MBD5: variants seen among roughly 807,000 people sequenced by gnomAD.
The protein encoded by MBD5 is methyl-CpG binding domain protein 5.
A neutral mutation model predicts 117.3 loss-of-function variants in MBD5; 13 were observed. The observed-to-expected ratio is 0.11, with a 90% CI of 0.07 to 0.18. The LOEUF is 0.18. Among genes scored for constraint, MBD5 ranks in the 10% least tolerant of loss-of-function variants. MBD5 has a pLI of 1.00. For synonymous variants in MBD5, 727 were observed against 766.4 expected (o/e 0.95, Z 0.85); for missense variants, 1,879 against 2,093.8 (o/e 0.90, Z 2.00).
intron 3 of MBD5, among the ~76,000 whole-genome samples, chr2:148,260,375 C>A (rs1700703915): frequency 6.6e-6 from 1 of 152,186 alleles, no homozygotes; most frequent in African/African-American, 2.4e-5. Context: ...GACATTGCAG[C>A]AATTCAGTCA....
At chr2:148,192,993 T>G (rs1330404927) in intron 2 of MBD5, among the ~76,000 whole-genome samples, 10 of 93,522 alleles carry the variant, frequency 1.1e-4, no homozygotes, top group South Asian at 4.9e-4. Flanking sequence ...AAATCATGAG[T>G]GAACTCCCAT....
At chr2:148,138,662 G>A (rs1023015450) in intron 1 of MBD5, among the ~76,000 whole-genome samples, 1 of 152,160 alleles carries the variant, frequency 6.6e-6, no homozygotes, top group Admixed American at 6.5e-5. Context: ...ACTAGTCAAG[G>A]CAGTGAGAAT....
intron 4 of MBD5, among the ~76,000 whole-genome samples, chr2:148,432,126 G>C (rs1400342655): frequency 6.6e-6 from 1 of 152,116 alleles, no homozygotes; most frequent in African/African-American, 2.4e-5. Flanking sequence ...GATGATTAGT[G>C]ATGTTAAGCA....
intron 3 of MBD5, among the ~76,000 whole-genome samples, chr2:148,310,773 A>T (rs1180989563): frequency 3.3e-5 from 5 of 151,972 alleles, no homozygotes; most frequent in African/African-American, 1.2e-4. Flanking sequence ...GCTTTCTTCT[A>T]TGGGCATTTG....
intron 4 of MBD5, among the ~76,000 whole-genome samples, chr2:148,398,437 G>C (rs1264279921): frequency 6.6e-6 from 1 of 152,040 alleles, no homozygotes; most frequent in African/African-American, 2.4e-5. Flanking sequence ...TCTTTTGGCT[G>C]CATAAATGTC....
At chr2:148,490,801 C>A in intron 11 of MBD5, 1 of 629,312 alleles carries the variant, frequency 1.6e-6, no homozygotes, top group Non-Finnish European at 2.7e-6. Flanking sequence ...AGTTGTAAAG[C>A]ATTTATAGAT....
intron 2 of MBD5, among the ~76,000 whole-genome samples, chr2:148,183,837 T>C (rs1005963926): frequency 1.1e-4 from 16 of 152,188 alleles, no homozygotes; most frequent in African/African-American, 3.9e-4. Context: ...CATAGCCTCA[T>C]AGTTGAATGA....
At chr2:148,144,104 A>T (rs1697385282) in intron 1 of MBD5, among the ~76,000 whole-genome samples, 1 of 152,048 alleles carries the variant, frequency 6.6e-6, no homozygotes, top group Non-Finnish European at 1.5e-5. Flanking sequence ...CCTCTCTAGC[A>T]CCTGTTGTTT....
At chr2:148,035,517 T>C (rs1694171548) in intron 1 of MBD5, among the ~76,000 whole-genome samples, 1 of 152,204 alleles carries the variant, frequency 6.6e-6, no homozygotes, top group East Asian at 1.9e-4. Flanking sequence ...TGGACATCTG[T>C]AAACATGAAA....
chr2:148,114,070 C>T (rs971355570), intron 1 of MBD5, among the ~76,000 whole-genome samples: 1 of 152,084 alleles, frequency 6.6e-6, no homozygotes, highest in African/African-American at 2.4e-5. Context: ...TAAACAGCTT[C>T]CCATTATTGG....
intron 1 of MBD5, chr2:148,027,510 C>T (rs537018289): frequency 6.6e-6 from 1 of 151,954 alleles, no homozygotes; most frequent in African/African-American, 2.4e-5. Context: ...TTGAGTATTC[C>T]TAATCCAGAA....
chr2:148,043,452 C>CAAATTAAAT (rs1694427826), intron 1 of MBD5, among the ~76,000 whole-genome samples: 1 of 142,854 alleles, frequency 7.0e-6, no homozygotes, highest in Non-Finnish European at 1.5e-5. Flanking sequence ...GACTCCTTCT[C>CAAATTAAAT]AAATAAATAA....
Position 148,358,202 on chromosome 2 carries a change from G to C in MBD5, c.-557+15866G>C, listed in dbSNP as rs1703436460. 2.0e-5 allele frequency among the ~76,000 whole-genome samples: 3 copies of C among 151,938 alleles called. No homozygotes were observed. In the South Asian group the frequency reaches 6.2e-4, roughly 32 times the overall value. On this transcript the variant is annotated intron_variant, in intron 4 of 13. Coordinates refer to ENST00000642680, the MANE Select transcript of MBD5 (RefSeq NM_001378120.1). ...TTTAACTAGAAGTCATTGAAAGTTTGTAGGCAAAAAAAATGGCCAGAGGAA... is the reference window on the plus strand; with the variant it reads ...TTTAACTAGAAGTCATTGAAAGTTTCTAGGCAAAAAAAATGGCCAGAGGAA...
chr2:148,416,083 T>G (rs1705408827), intron 4 of MBD5, among the ~76,000 whole-genome samples: 1 of 152,178 alleles, frequency 6.6e-6, no homozygotes, highest in Admixed American at 6.5e-5. Context: ...CTCATCAGTG[T>G]GGCTTGGTGT....
chr2:148,429,591 C>T (rs1203279847), intron 4 of MBD5, among the ~76,000 whole-genome samples: 1 of 152,090 alleles, frequency 6.6e-6, no homozygotes, highest in Admixed American at 6.6e-5. Flanking sequence ...GACTTGGAAC[C>T]AACCCAAATG....
chr2:148,035,811 T>A (rs1218983737), intron 1 of MBD5, among the ~76,000 whole-genome samples: 1 of 152,154 alleles, frequency 6.6e-6, no homozygotes, highest in Admixed American at 6.6e-5. Context: ...ATGGGCCTAG[T>A]CAGTTGTGTC....
At chr2:148,060,885 A>G (rs534838174) in intron 1 of MBD5, among the ~76,000 whole-genome samples, 2 of 152,216 alleles carry the variant, frequency 1.3e-5, no homozygotes, top group African/African-American at 4.8e-5. Flanking sequence ...TTGGCTAACC[A>G]AAGAGGCTCT....
chr2:148,288,127 G>A (rs1317635603), intron 3 of MBD5, among the ~76,000 whole-genome samples: 6 of 151,706 alleles, frequency 4.0e-5, no homozygotes, highest in Admixed American at 6.6e-5. Flanking sequence ...CTGGCCGGGC[G>A]CGGTGGCTCA....
At chr2:148,215,688 A>AT (rs66589231) in intron 2 of MBD5, among the ~76,000 whole-genome samples, 1,716 of 131,958 alleles carry the variant, frequency 0.013, 26 homozygotes, top group African/African-American at 0.034. Flanking sequence ...TGCCCGGCTA[A>AT]TTTTTTTTTT....
Sources: allele counts gnomAD v4.1 joint callset (sites outside exome capture counted in the v4.1 genomes callset), GRCh38; gene constraint gnomAD v4.1.1; transcripts MANE v1.5; gene names NCBI Gene and HGNC (gene_info 2026-07-23, HGNC 2026-07-21).